SUPT3H: variants seen among roughly 807,000 people sequenced by gnomAD.
SUPT3H encodes the protein SPT3 homolog, SAGA and STAGA complex component.
Under a neutral mutation model 44.3 loss-of-function variants are expected in SUPT3H, and 44 were observed. The ratio of observed to expected loss-of-function variants is 0.99; its 90% CI spans 0.78 to 1.28. The LOEUF is 1.28. Ranked by LOEUF, SUPT3H falls within the 50% of genes most tolerant of loss-of-function variation. The pLI is 0.00. For synonymous variants in SUPT3H, 124 were observed against 125.6 expected (o/e 0.99, Z 0.09); for missense variants, 380 against 387.1 (o/e 0.98, Z 0.15).
intron 9 of SUPT3H, among the ~76,000 whole-genome samples, chr6:44,950,563 G>A (rs1774119416): frequency 6.6e-6 from 1 of 152,094 alleles, no homozygotes; most frequent in African/African-American, 2.4e-5. Flanking sequence ...AGTGCACTAT[G>A]ATCATGCCTG....
intron 2 of SUPT3H, among the ~76,000 whole-genome samples, chr6:45,130,905 C>T (rs1803375668): frequency 6.6e-6 from 1 of 151,458 alleles, no homozygotes. Flanking sequence ...TTAGTAGAGA[C>T]GGGGTTTCTG....
chr6:44,863,012 A>G (rs1163918985), intron 10 of SUPT3H, among the ~76,000 whole-genome samples: 1 of 152,214 alleles, frequency 6.6e-6, no homozygotes, highest in Non-Finnish European at 1.5e-5. Flanking sequence ...TCTGCTTGTT[A>G]GGAAGCAAGA....
At chr6:45,079,631 C>T (rs1179836259) in intron 3 of SUPT3H, among the ~76,000 whole-genome samples, 1 of 152,002 alleles carries the variant, frequency 6.6e-6, no homozygotes, top group African/African-American at 2.4e-5. Context: ...AAAAGAGAAC[C>T]CAGAACAAAT....
At chr6:45,061,594 TTAAAA>T (rs1278186584) in intron 3 of SUPT3H, among the ~76,000 whole-genome samples, 5 of 152,130 alleles carry the variant, frequency 3.3e-5, no homozygotes, top group Admixed American at 1.3e-4. Context: ...ACACCGGAAC[TTAAAA>T]TAAAAGTTGA....
At chr6:45,221,750 C>T (rs1407813131) in intron 2 of SUPT3H, among the ~76,000 whole-genome samples, 1 of 152,036 alleles carries the variant, frequency 6.6e-6, no homozygotes, top group African/African-American at 2.4e-5. Context: ...ATTTGTAGTG[C>T]TTTTCTCACT....
intron 2 of SUPT3H, among the ~76,000 whole-genome samples, chr6:45,207,150 C>T (rs752610738): frequency 2.4e-4 from 36 of 152,076 alleles, no homozygotes; most frequent in South Asian, 1.2e-3. Context: ...TGAGTAGAAA[C>T]GACTTAGTGA....
intron 3 of SUPT3H, among the ~76,000 whole-genome samples, chr6:45,026,911 T>C (rs1243372137): frequency 2.0e-5 from 3 of 152,088 alleles, no homozygotes; most frequent in Non-Finnish European, 4.4e-5. Context: ...TCAGAATTTA[T>C]TTCAGTTTTG....
chr6:45,372,037 T>C, intron 1 of SUPT3H: 1 of 966,720 alleles, frequency 1.0e-6, no homozygotes, highest in Non-Finnish European at 1.2e-6. Context: ...AATAAAAGTT[T>C]ATCATAACTA....
chr6:45,162,432 G>A (rs1426787142), intron 2 of SUPT3H, among the ~76,000 whole-genome samples: 3 of 152,162 alleles, frequency 2.0e-5, no homozygotes, highest in Non-Finnish European at 4.4e-5. Flanking sequence ...ACTGAGGCAG[G>A]AGGAATACTT....
chr6:45,106,296 G>C (rs1473456157), intron 2 of SUPT3H, among the ~76,000 whole-genome samples: 1 of 152,138 alleles, frequency 6.6e-6, no homozygotes, highest in African/African-American at 2.4e-5. Flanking sequence ...GCCGGAAGCA[G>C]TGGCATGTGC....
chr6:44,995,774 A>C (rs1459772424), intron 6 of SUPT3H, among the ~76,000 whole-genome samples: 1 of 152,026 alleles, frequency 6.6e-6, no homozygotes, highest in East Asian at 1.9e-4. Flanking sequence ...AATAAAATGA[A>C]AAGAGAAATT....
intron 10 of SUPT3H, among the ~76,000 whole-genome samples, chr6:44,870,790 C>A (rs546409154): frequency 1.3e-5 from 2 of 150,832 alleles, no homozygotes; most frequent in African/African-American, 2.4e-5. Flanking sequence ...AGTGTGTGCG[C>A]GCACCCTGCG....
chr6:45,116,182 G>C (rs576519576), intron 2 of SUPT3H, among the ~76,000 whole-genome samples: 1 of 152,088 alleles, frequency 6.6e-6, no homozygotes, highest in Non-Finnish European at 1.5e-5. Flanking sequence ...ATTTAAGGAA[G>C]TTTGCCCTCA....
chr6:45,271,849 C>T (rs1776227069), intron 2 of SUPT3H, among the ~76,000 whole-genome samples: 1 of 152,142 alleles, frequency 6.6e-6, no homozygotes, highest in African/African-American at 2.4e-5. Context: ...AACAGAGGGG[C>T]AAAGCTGCCC....
chr6:44,865,890 A>T (rs1319379630), intron 10 of SUPT3H, among the ~76,000 whole-genome samples: 1 of 152,190 alleles, frequency 6.6e-6, no homozygotes, highest in Non-Finnish European at 1.5e-5. Flanking sequence ...TGCCAAGGAG[A>T]GGACTCAAGA....
intron 10 of SUPT3H, among the ~76,000 whole-genome samples, chr6:44,921,896 A>G (rs903218888): frequency 6.6e-5 from 10 of 152,200 alleles, no homozygotes; most frequent in Non-Finnish European, 2.9e-5. Context: ...CAGCAGCCCA[A>G]CTGTCACCTT....
In SUPT3H at chr6:44,953,376, G is replaced by C. The variant is rs374520794; in HGVS notation, c.735C>G (p.Thr245=). The C allele has an allele frequency of 2.0e-5, 33 of 1,613,922 alleles. No individual in the cohort carries two copies. Among genetic ancestry groups the C allele is most frequent in the African/African-American group, 2.7e-5 (2 of 74,890 alleles). ...LALLVRQDMV[T]KAGDPFSHAI... ...CATGGCTGAAGGGGTCCCCTGCCTT[G>C]GTTACCATGTCTTGCCTCACAAGAA... The change falls in exon 9 of 11, where the codon ACC becomes ACG. Residue 245 remains threonine, a synonymous_variant. Transcript: ENST00000371459.
intron 6 of SUPT3H, among the ~76,000 whole-genome samples, chr6:44,986,354 T>A (rs752706946): frequency 2.6e-5 from 4 of 152,096 alleles, no homozygotes; most frequent in Admixed American, 1.3e-4. Context: ...ATCCCATGGG[T>A]AGACTGTGAA....
chr6:45,026,288 C>A (rs956236336), intron 3 of SUPT3H, among the ~76,000 whole-genome samples: 1 of 152,056 alleles, frequency 6.6e-6, no homozygotes. Context: ...AGTTAAATTT[C>A]CTAAGTTGGA....
Sources: allele counts gnomAD v4.1 joint callset (sites outside exome capture counted in the v4.1 genomes callset), GRCh38; gene constraint gnomAD v4.1.1; transcripts MANE v1.5; gene names NCBI Gene and HGNC (gene_info 2026-07-23, HGNC 2026-07-21).